GALNT8: variants seen among roughly 807,000 people sequenced by gnomAD.
The protein encoded by GALNT8 is probable polypeptide N-acetylgalactosaminyltransferase 8.
Under a neutral mutation model 62.7 loss-of-function variants are expected in GALNT8, and 66 were observed. The observed-to-expected ratio is 1.05, with a 90% confidence interval of 0.86 to 1.29. The LOEUF (loss-of-function observed/expected upper bound fraction) is 1.29, where lower values mean the gene tolerates loss of function less well. Ranked by LOEUF, GALNT8 falls within the 50% of genes most tolerant of loss-of-function variation. The probability of loss-of-function intolerance (pLI) is 0.00; values close to 1 mark genes in which losing one functional copy is unlikely to be tolerated. For missense variants in GALNT8, 771 were observed against 791.8 expected, an observed-to-expected ratio of 0.97 and a Z score of 0.32; for synonymous variants, 288 against 294.3, an observed-to-expected ratio of 0.98 and a Z score of 0.22.
chr12:4,740,358 G>C (rs1296425786), intron 3 of GALNT8, among the ~76,000 whole-genome samples: 2 of 151,874 alleles, frequency 1.3e-5, no homozygotes, highest in Non-Finnish European at 2.9e-5. Context: ...ATGAACTATA[G>C]TGAGAATTAA....
At chr12:4,741,914 C>T (rs1946274079) in intron 3 of GALNT8, among the ~76,000 whole-genome samples, 1 of 152,262 alleles carries the variant, frequency 6.6e-6, no homozygotes, top group African/African-American at 2.4e-5. Context: ...CACGAAAACA[C>T]CAGCCAAATT....
chr12:4,740,685 A>G (rs1024240582), intron 3 of GALNT8, among the ~76,000 whole-genome samples: 1 of 152,182 alleles, frequency 6.6e-6, no homozygotes, highest in African/African-American at 2.4e-5. Context: ...CGGCCTCTCA[A>G]AGTGCTGGGA....
At chr12:4,723,784 A>G (rs371354366) in intron 1 of GALNT8, among the ~76,000 whole-genome samples, 5 of 141,520 alleles carry the variant, frequency 3.5e-5, no homozygotes. Context: ...AGAGCTTCCT[A>G]TAACTAAAAG....
intron 6 of GALNT8, 94 bp downstream of exon 6, chr12:4,746,352 G>A (rs1301067134): frequency 1.3e-6 from 1 of 776,044 alleles, no homozygotes; most frequent in East Asian, 2.5e-5. Flanking sequence ...AAGGCTGAAT[G>A]TCATTGGCTC....
chr12:4,771,949 A>G (rs188509442), intron 10 of GALNT8, among the ~76,000 whole-genome samples: 1 of 152,300 alleles, frequency 6.6e-6, no homozygotes, highest in East Asian at 1.9e-4. Context: ...ACCTTAGCGA[A>G]GTCCCCTCAA....
chr12:4,769,626 A>C (rs1202844952), intron 10 of GALNT8, among the ~76,000 whole-genome samples: 2 of 152,108 alleles, frequency 1.3e-5, no homozygotes, highest in East Asian at 3.8e-4. Context: ...TAGAATGTTA[A>C]ATTTATATAA....
At chr12:4,734,438 C>A (rs745738147) in intron 2 of GALNT8, among the ~76,000 whole-genome samples, 22 of 152,240 alleles carry the variant, frequency 1.4e-4, no homozygotes, top group Non-Finnish European at 2.2e-4. Context: ...GCGGGTATTG[C>A]TAGAATCTGA....
intron 1 of GALNT8, among the ~76,000 whole-genome samples, chr12:4,721,952 ACTCTT>A (rs1173504252): frequency 6.6e-6 from 1 of 151,950 alleles, no homozygotes; most frequent in Non-Finnish European, 1.5e-5. Flanking sequence ...AGTGGTGATG[ACTCTT>A]AACGAGCATG....
intron 3 of GALNT8, among the ~76,000 whole-genome samples, chr12:4,742,158 C>T (rs1322808091): frequency 6.6e-6 from 1 of 152,142 alleles, no homozygotes; most frequent in East Asian, 1.9e-4. Context: ...CAGGAGAGAG[C>T]CTGTTCCCAT....
intron 3 of GALNT8, among the ~76,000 whole-genome samples, chr12:4,743,667 A>G (rs1946282276): frequency 6.6e-6 from 1 of 152,208 alleles, no homozygotes; most frequent in Non-Finnish European, 1.5e-5. Flanking sequence ...CTTACTAGAT[A>G]TGTGACTTGG....
At chr12:4,741,483 G>A (rs1449908670) in intron 3 of GALNT8, among the ~76,000 whole-genome samples, 3 of 152,022 alleles carry the variant, frequency 2.0e-5, no homozygotes, top group African/African-American at 4.8e-5. Flanking sequence ...CTGAGACAAC[G>A]TCAGGCAAGT....
chr12:4,759,741 C>T (rs1043663647), intron 6 of GALNT8, among the ~76,000 whole-genome samples: 2 of 152,066 alleles, frequency 1.3e-5, no homozygotes, highest in Admixed American at 1.3e-4. Flanking sequence ...CAGGTGCTCC[C>T]ATTGGCATGA....
intron 6 of GALNT8, among the ~76,000 whole-genome samples, chr12:4,757,290 T>G (rs1356738085): frequency 6.6e-6 from 1 of 152,234 alleles, no homozygotes; most frequent in Non-Finnish European, 1.5e-5. Context: ...GCATTTTGTT[T>G]AATGTACCTC....
At chr12:4,737,995 C>G (rs1946253273) in intron 2 of GALNT8, among the ~76,000 whole-genome samples, 1 of 152,224 alleles carries the variant, frequency 6.6e-6, no homozygotes. Context: ...AATGGACTGA[C>G]ACTAACCTAC....
intron 4 of GALNT8, 108 bp downstream of exon 4, chr12:4,744,808 C>T: frequency 1.4e-6 from 1 of 701,788 alleles, no homozygotes; most frequent in Non-Finnish European, 2.3e-6. Context: ...CAGCACCAGG[C>T]CTTAAATAAA....
intron 10 of GALNT8, among the ~76,000 whole-genome samples, chr12:4,769,815 G>T (rs781225300): frequency 6.6e-6 from 1 of 152,028 alleles, no homozygotes; most frequent in African/African-American, 2.4e-5. Context: ...TCTCAGAGGA[G>T]CTGCTCCATG....
intron 3 of GALNT8, among the ~76,000 whole-genome samples, chr12:4,740,231 C>T (rs1485297785): frequency 1.3e-5 from 2 of 152,176 alleles, no homozygotes; most frequent in Non-Finnish European, 2.9e-5. Context: ...TCCTCACTTT[C>T]TGAGTTCATA....
chr12:4,763,703 C>G (rs1159066674), intron 8 of GALNT8, among the ~76,000 whole-genome samples: 1 of 152,066 alleles, frequency 6.6e-6, no homozygotes, highest in Non-Finnish European at 1.5e-5. Flanking sequence ...GCGCCCCTCC[C>G]TGTGTGTGTG....
intron 6 of GALNT8, among the ~76,000 whole-genome samples, chr12:4,758,120 T>C (rs146890508): frequency 3.3e-5 from 5 of 152,358 alleles, no homozygotes; most frequent in African/African-American, 1.2e-4. Flanking sequence ...TTGCTTAAAA[T>C]ATAGGGTCAT....
Sources: allele counts gnomAD v4.1 joint callset (sites outside exome capture counted in the v4.1 genomes callset), GRCh38; gene constraint gnomAD v4.1.1; transcripts MANE v1.5; gene names NCBI Gene and HGNC (gene_info 2026-07-23, HGNC 2026-07-21).